Variants in LRMDA observed in about 807,000 individuals in gnomAD.
LRMDA encodes leucine rich melanocyte differentiation associated.
In LRMDA, 18 loss-of-function variants were observed where a neutral mutation model predicts 29.8. The observed-to-expected ratio is 0.60, with a 90% CI of 0.42 to 0.90. The LOEUF is 0.90. Among genes scored for constraint, LRMDA ranks in the 40% least tolerant of loss-of-function variants. The pLI is 0.00. For missense variants in LRMDA, 273 were observed against 273.9 expected, an observed-to-expected ratio of 1.00 and a Z score of 0.02; for synonymous variants, 125 against 109.4, an observed-to-expected ratio of 1.14 and a Z score of -0.89.
At chr10:76,546,093 A>G (rs1302781165) in intron 6 of LRMDA, among the ~76,000 whole-genome samples, 1 of 152,172 alleles carries the variant, frequency 6.6e-6, no homozygotes, top group East Asian at 1.9e-4. Flanking sequence ...ATTTCTACCT[A>G]TAACTGTCCA....
intron 2 of LRMDA, among the ~76,000 whole-genome samples, chr10:75,485,089 G>T (rs866877079): frequency 4.6e-5 from 7 of 152,266 alleles, no homozygotes; most frequent in Middle Eastern, 6.8e-3. Context: ...CCAGGCATTT[G>T]TTAGTTATCT....
At chr10:76,480,218 A>C (rs986740210) in intron 6 of LRMDA, among the ~76,000 whole-genome samples, 1 of 151,940 alleles carries the variant, frequency 6.6e-6, no homozygotes, top group East Asian at 2.0e-4. Flanking sequence ...TTTCCCCCAG[A>C]TGTATTAGGC....
At chr10:75,529,137 T>C (rs1845447105) in intron 2 of LRMDA, among the ~76,000 whole-genome samples, 1 of 152,158 alleles carries the variant, frequency 6.6e-6, no homozygotes, top group Non-Finnish European at 1.5e-5. Flanking sequence ...AGGTTCCAGA[T>C]TGAAAGATTC....
chr10:76,005,854 C>T lies in LRMDA; in HGVS notation c.132-30154C>T, dbSNP rs562438744. Among the ~76,000 whole-genome samples, 37 of 151,856 alleles carry T rather than the reference C, an allele frequency of 2.4e-4. No individual in the cohort carries two copies. In the East Asian group the frequency reaches 5.1e-3, roughly 21 times the overall value. On this transcript the variant is annotated intron_variant, in intron 2 of 6. Transcript: ENST00000611255. ...CTGAGGCAGGAGAATGGCGTGAACC[C>T]GGGAGGCGGAGCTTGCAGTGAGCCG...
Position 76,324,273 on chromosome 10 carries a change from C to T in LRMDA, c.517-128C>T, listed in dbSNP as rs1047834181. On this transcript the variant is annotated intron_variant, in intron 5 of 6. Coordinates refer to ENST00000611255, the MANE Select transcript of LRMDA (RefSeq NM_001305581.2). ...TCTCAACAAAAACAGCTCTTGCTTCCTAAGAAGTATCTTGGTGAATAATAT... is the reference window on the plus strand; with the variant it reads ...TCTCAACAAAAACAGCTCTTGCTTCTTAAGAAGTATCTTGGTGAATAATAT... 4 of 845,012 alleles carry T rather than the reference C, an allele frequency of 4.7e-6. No homozygotes were observed. The African/African-American group carries it at 6.8e-5, about 14-fold the overall frequency. The allele number at this position is 845,012 out of a possible 1,614,324, so 52.3% of individuals were successfully genotyped here.
intron 2 of LRMDA, among the ~76,000 whole-genome samples, chr10:75,511,193 T>C (rs1845221970): frequency 6.6e-6 from 1 of 151,836 alleles, no homozygotes; most frequent in Non-Finnish European, 1.5e-5. Context: ...AAATTAGCCA[T>C]GTGTGGTGGT....
intron 5 of LRMDA, among the ~76,000 whole-genome samples, chr10:76,210,824 C>T (rs1564687090): frequency 6.6e-6 from 1 of 152,150 alleles, no homozygotes; most frequent in Non-Finnish European, 1.5e-5. Flanking sequence ...TCCTGGATTC[C>T]TCAAAGGAAC....
intron 5 of LRMDA, among the ~76,000 whole-genome samples, chr10:76,135,551 C>T (rs1002383432): frequency 6.6e-6 from 1 of 152,122 alleles, no homozygotes; most frequent in Non-Finnish European, 1.5e-5. Context: ...GTTTAAACAG[C>T]AGAAATGTAT....
At chr10:76,447,563 G>A (rs1192107599) in intron 6 of LRMDA, among the ~76,000 whole-genome samples, 1 of 152,144 alleles carries the variant, frequency 6.6e-6, no homozygotes, top group African/African-American at 2.4e-5. Context: ...CAACTTCTAT[G>A]TTAGTGGACT....
chr10:76,313,546 T>C (rs1475985721), intron 5 of LRMDA, among the ~76,000 whole-genome samples: 1 of 152,202 alleles, frequency 6.6e-6, no homozygotes, highest in Admixed American at 6.5e-5. Context: ...GTTATTTTTC[T>C]TACTGTTCTT....
intron 5 of LRMDA, among the ~76,000 whole-genome samples, chr10:76,193,138 G>A (rs996959797): frequency 2.0e-5 from 3 of 152,294 alleles, no homozygotes; most frequent in Middle Eastern, 3.4e-3. Context: ...AGCTGTACAT[G>A]TGTCGGAGTT....
At chr10:76,096,534 TCA>T (rs1275207363) in intron 5 of LRMDA, among the ~76,000 whole-genome samples, 3 of 152,260 alleles carry the variant, frequency 2.0e-5, no homozygotes, top group African/African-American at 7.2e-5. Flanking sequence ...TATTTTGAAA[TCA>T]AGTAGTAGAA....
intron 3 of LRMDA, among the ~76,000 whole-genome samples, chr10:76,044,439 G>GTTTTTTTTTTTTT (rs3042545): frequency 7.3e-6 from 1 of 137,020 alleles, no homozygotes; most frequent in Non-Finnish European, 1.6e-5. Flanking sequence ...TTTTTTCTTT[G>GTTTTTTTTTTTTT]TTTTTTTTTT....
chr10:75,529,967 G>A (rs903482686), intron 2 of LRMDA, among the ~76,000 whole-genome samples: 3 of 152,016 alleles, frequency 2.0e-5, no homozygotes, highest in African/African-American at 7.2e-5. Flanking sequence ...AAATACCAAA[G>A]CATCAGCTCA....
intron 2 of LRMDA, among the ~76,000 whole-genome samples, chr10:75,632,189 G>C (rs918161455): frequency 6.6e-6 from 1 of 152,166 alleles, no homozygotes; most frequent in Non-Finnish European, 1.5e-5. Context: ...ATTTGAGATA[G>C]AGTCAGAGGG....
At chr10:75,997,834 C>T (rs573763153) in intron 2 of LRMDA, among the ~76,000 whole-genome samples, 4 of 152,300 alleles carry the variant, frequency 2.6e-5, no homozygotes, top group Non-Finnish European at 4.4e-5. Flanking sequence ...TGGAGATTAA[C>T]GAAATTGTCA....
At chr10:75,844,394 T>C (rs1844596104) in intron 2 of LRMDA, among the ~76,000 whole-genome samples, 1 of 152,212 alleles carries the variant, frequency 6.6e-6, no homozygotes, top group Non-Finnish European at 1.5e-5. Context: ...CTGCCAGTTT[T>C]TATAAACAAC....
At chr10:75,608,129 T>TATATATATATATATATATATATACACAC (rs11271217) in intron 2 of LRMDA, among the ~76,000 whole-genome samples, 35 of 89,474 alleles carry the variant, frequency 3.9e-4, no homozygotes, top group Non-Finnish European at 4.6e-4. Flanking sequence ...TATATATATA[T>TATATATATATATATATATATATACACAC]ACACACACAT....
intron 5 of LRMDA, among the ~76,000 whole-genome samples, chr10:76,221,391 A>G (rs1851832328): frequency 6.6e-6 from 1 of 152,260 alleles, no homozygotes; most frequent in Non-Finnish European, 1.5e-5. Flanking sequence ...TCAGCCCAAA[A>G]TCTACTTAAG....
Sources: gnomAD v4.1 joint callset for allele counts (sites outside exome capture counted in the v4.1 genomes callset) on GRCh38, gnomAD v4.1.1 for gene constraint, MANE v1.5 for transcripts, NCBI Gene and HGNC (gene_info 2026-07-23, HGNC 2026-07-21) for gene names.